XRN1: variants seen among roughly 807,000 people sequenced by gnomAD.
The protein encoded by XRN1 is 5'-3' exoribonuclease 1, also known as strand-exchange protein 1 homolog.
Under a neutral mutation model 222.3 loss-of-function variants are expected in XRN1, and 67 were observed. The ratio of observed to expected loss-of-function variants is 0.30; its 90% CI spans 0.25 to 0.37. The LOEUF is 0.37. Among genes scored for constraint, XRN1 ranks in the 10% least tolerant of loss-of-function variants. XRN1 has a pLI of 1.00. For synonymous variants in XRN1, 643 were observed against 652.4 expected (o/e 0.99, Z 0.22); for missense variants, 1,707 against 2,000.2 (o/e 0.85, Z 2.80).
chr3:142,431,936 TATATATTATATA>T (rs1337940609), intron 2 of XRN1, among the ~76,000 whole-genome samples: 3 of 96,328 alleles, frequency 3.1e-5, no homozygotes, highest in African/African-American at 4.4e-5. Context: ...TAATATATTG[TATATATTATATA>T]ATATATTATA....
chr3:142,351,891 A>AT (rs1218510665), intron 32 of XRN1, among the ~76,000 whole-genome samples: 8 of 147,888 alleles, frequency 5.4e-5, no homozygotes, highest in South Asian at 2.2e-4. Context: ...GAAGAAGAAC[A>AT]TTTTTTTTTA....
At position 142,380,480 on chromosome 3, in the gene XRN1, C is replaced by T. The variant is rs750243137; in HGVS notation, c.2617-300G>A. 5.3e-5 allele frequency among the ~76,000 whole-genome samples: 8 copies of T among 152,140 alleles called. No individual in the cohort carries two copies. In the East Asian group the frequency reaches 5.8e-4, roughly 11 times the overall value. ...TTTGACAGGATCTCATTCTGTCAGA[C>T]GAGATCAGGTGCGTTCAGGGTGGTA... is the stretch of plus-strand genomic sequence containing the variant. On this transcript the variant is annotated intron_variant, in intron 22 of 40. Coordinates refer to ENST00000392981, the MANE Select transcript of XRN1 (RefSeq NM_001282857.2).
At chr3:142,390,275 T>C (rs780308943) in intron 20 of XRN1, among the ~76,000 whole-genome samples, 2 of 152,212 alleles carry the variant, frequency 1.3e-5, no homozygotes, top group Non-Finnish European at 2.9e-5. Flanking sequence ...CATTGGCTTC[T>C]CCTCTGCACC....
At position 142,359,165 on chromosome 3, in the gene XRN1, C is replaced by G. The variant is rs79448856; in HGVS notation, c.3464+697G>C. Among the ~76,000 whole-genome samples, 768 of 152,224 alleles carry G rather than the reference C, an allele frequency of 5.0e-3. 6 individuals carry two copies. The highest frequency in any genetic ancestry group is 8.3e-3 in the Non-Finnish European group (567 of 67,984). On this transcript the variant is annotated intron_variant, in intron 30 of 40. Transcript: ENST00000392981. Reference sequence around the variant, plus strand: ...ACTTTAAACTTTCTATTGGCACTTTCCCCCAAAACACTTGTCTTATCTGTG... The same window carrying G: ...ACTTTAAACTTTCTATTGGCACTTTGCCCCAAAACACTTGTCTTATCTGTG...
chr3:142,423,679 C>T, intron 5 of XRN1, 37 bp from the exon 6 acceptor site: 1 of 1,496,614 alleles, frequency 6.7e-7, no homozygotes, highest in Non-Finnish European at 9.0e-7. Flanking sequence ...TTTATTCTCC[C>T]ATTTTTAATA....
intron 12 of XRN1, among the ~76,000 whole-genome samples, chr3:142,417,596 C>T (rs1180161243): frequency 2.6e-5 from 4 of 152,182 alleles, no homozygotes; most frequent in Non-Finnish European, 1.5e-5. Flanking sequence ...ATCTTCTTTA[C>T]ATGGGATGAT....
chr3:142,403,759 T>C lies in XRN1; in HGVS notation c.2018A>G (p.Lys673Arg). ...TTGCTGGAATACTTGAACACCACTTTTCTTCAAAAAAAACTTTAAAAGAAT... is the reference window on the plus strand; with the variant it reads ...TTGCTGGAATACTTGAACACCACTTCTCTTCAAAAAAAACTTTAAAAGAAT... ...KHIRHKFFLK[K>R]SGVQVFQQSS... The change falls in exon 18 of 41, where the codon AAA (lysine) becomes AGA (arginine). Residue 673 changes from lysine to arginine, a missense_variant. Coordinates refer to ENST00000392981, the MANE Select transcript of XRN1 (RefSeq NM_001282857.2). 1.2e-6 allele frequency: 2 copies of C among 1,612,888 alleles called. No individual in the cohort carries two copies. The highest frequency in any genetic ancestry group is 3.3e-4 in the Middle Eastern group (2 of 6,052).
At chr3:142,351,171 A>G (rs11708870) in intron 32 of XRN1, among the ~76,000 whole-genome samples, 18,239 of 152,116 alleles carry the variant, frequency 0.12, 1,131 homozygotes, top group Non-Finnish European at 0.14. Flanking sequence ...CTATCTATCT[A>G]TCTATGGAAA....
chr3:142,373,487 T>C (rs1577317078), intron 25 of XRN1, among the ~76,000 whole-genome samples: 1 of 152,076 alleles, frequency 6.6e-6, no homozygotes, highest in Non-Finnish European at 1.5e-5. Flanking sequence ...GTTGCAAGCC[T>C]GAAAGAGCTG....
intron 10 of XRN1, chr3:142,420,100 G>A (rs2068948751): frequency 6.6e-6 from 1 of 151,950 alleles, no homozygotes; most frequent in Non-Finnish European, 1.5e-5. Context: ...AAAAATCACT[G>A]ATCTAGTTAA....
intron 33 of XRN1, among the ~76,000 whole-genome samples, chr3:142,338,670 G>T (rs1200021825): frequency 2.0e-5 from 3 of 152,080 alleles, no homozygotes; most frequent in African/African-American, 7.2e-5. Flanking sequence ...CAATTCCAGG[G>T]TGTGGTTTTT....
At chr3:142,419,713 A>G (rs1365453654) in intron 10 of XRN1, among the ~76,000 whole-genome samples, 1 of 151,948 alleles carries the variant, frequency 6.6e-6, no homozygotes, top group Non-Finnish European at 1.5e-5. Flanking sequence ...AGGCTGAGGC[A>G]GGGGAATTCA....
At chr3:142,322,506 G>A (rs2065383787) in intron 37 of XRN1, among the ~76,000 whole-genome samples, 2 of 152,012 alleles carry the variant, frequency 1.3e-5, no homozygotes, top group Admixed American at 1.3e-4. Flanking sequence ...GGCCAACATG[G>A]TGAACCCTGT....
At chr3:142,370,268 A>G (rs1438588176) in intron 27 of XRN1, among the ~76,000 whole-genome samples, 2 of 152,360 alleles carry the variant, frequency 1.3e-5, no homozygotes, top group Non-Finnish European at 2.9e-5. Context: ...AGCCATTAAC[A>G]TATTAGTGCT....
chr3:142,420,857 T>C (rs2068999062), intron 10 of XRN1, among the ~76,000 whole-genome samples, 159 bp downstream of exon 10: 1 of 151,480 alleles, frequency 6.6e-6, no homozygotes. Flanking sequence ...CAGAAGCTAA[T>C]AGAAAAAAAG....
At chr3:142,323,766 C>A (rs895078996) in intron 37 of XRN1, among the ~76,000 whole-genome samples, 1 of 151,964 alleles carries the variant, frequency 6.6e-6, no homozygotes, top group Non-Finnish European at 1.5e-5. Flanking sequence ...CTGCTTGAAG[C>A]CAGCCTGGGC....
intron 20 of XRN1, among the ~76,000 whole-genome samples, chr3:142,388,808 T>A (rs977053663): frequency 1.1e-4 from 17 of 152,240 alleles, no homozygotes; most frequent in Non-Finnish European, 2.4e-4. Context: ...TTCAACTAAA[T>A]TTATGTAATA....
At chr3:142,321,105 CTTTTTTTTTTTT>C (rs573856556) in intron 37 of XRN1, among the ~76,000 whole-genome samples, 103 of 87,314 alleles carry the variant, frequency 1.2e-3, no homozygotes, top group African/African-American at 2.6e-3. Flanking sequence ...CATCCACTTC[CTTTTTTTTTTTT>C]TTTTTTTTTT....
chr3:142,420,995 G>A, intron 10 of XRN1, 21 bp downstream of exon 10: 1 of 1,612,420 alleles, frequency 6.2e-7, no homozygotes, highest in East Asian at 2.2e-5. Flanking sequence ...ACAATGAAAG[G>A]ACACCTAAAA....
Sources: allele counts gnomAD v4.1 joint callset (sites outside exome capture counted in the v4.1 genomes callset), GRCh38; gene constraint gnomAD v4.1.1; transcripts MANE v1.5; gene names NCBI Gene and HGNC (gene_info 2026-07-23, HGNC 2026-07-21).